Variants in PDS5A observed in about 807,000 individuals in gnomAD.
PDS5A encodes the protein sister chromatid cohesion protein PDS5 homolog A.
In PDS5A, 42 loss-of-function variants were observed where a neutral mutation model predicts 167.1. The ratio of observed to expected loss-of-function variants is 0.25; its 90% CI spans 0.20 to 0.33. The LOEUF (loss-of-function observed/expected upper bound fraction) is 0.33, where lower values mean the gene tolerates loss of function less well. Ranked by LOEUF, PDS5A falls within the 10% of genes least tolerant of loss-of-function variation. The pLI is 1.00. For synonymous variants in PDS5A, 553 were observed against 554.6 expected (o/e 1.00, Z 0.04); for missense variants, 1,033 against 1,605.9 (o/e 0.64, Z 6.10).
At chr4:39,919,414 G>C (rs767676592) in intron 7 of PDS5A, among the ~76,000 whole-genome samples, 2 of 152,208 alleles carry the variant, frequency 1.3e-5, no homozygotes, top group Non-Finnish European at 2.9e-5. Context: ...GGGAGGCTGA[G>C]GCAGGCAGAT....
At chr4:39,888,556 A>G (rs750032099) in intron 17 of PDS5A, among the ~76,000 whole-genome samples, 14 of 152,146 alleles carry the variant, frequency 9.2e-5, no homozygotes, top group Non-Finnish European at 1.6e-4. Flanking sequence ...GTGCACATCA[A>G]CGAAGAAAGA....
chr4:39,847,095 T>C (rs1717671995), intron 28 of PDS5A: 1 of 151,900 alleles, frequency 6.6e-6, no homozygotes, highest in Non-Finnish European at 1.5e-5. Flanking sequence ...CAGAAAAACC[T>C]AAGTTGTTAT....
At chr4:39,827,623 G>A (rs1715442745) in intron 32 of PDS5A, among the ~76,000 whole-genome samples, 1 of 152,160 alleles carries the variant, frequency 6.6e-6, no homozygotes, top group South Asian at 2.1e-4. Flanking sequence ...CCCACATGAT[G>A]GGAGGAAACC....
chr4:39,962,066 T>C (rs1729526693), intron 2 of PDS5A, among the ~76,000 whole-genome samples: 1 of 151,808 alleles, frequency 6.6e-6, no homozygotes, highest in Admixed American at 6.6e-5. Context: ...AGTTTTTGTT[T>C]TTTTTTTTTG....
chr4:39,843,965 C>T (rs560772673), intron 30 of PDS5A, among the ~76,000 whole-genome samples: 13 of 151,102 alleles, frequency 8.6e-5, no homozygotes, highest in Admixed American at 2.0e-4. Context: ...GGGAAGATGA[C>T]GAAACTCCAT....
At chr4:39,879,932 T>G in intron 17 of PDS5A, 99 bp from the exon 18 acceptor site, 1 of 640,714 alleles carries the variant, frequency 1.6e-6, no homozygotes, top group Non-Finnish European at 2.6e-6. Context: ...AAATATTAAA[T>G]TCAAAGGAGT....
intron 2 of PDS5A, among the ~76,000 whole-genome samples, chr4:39,948,567 C>A (rs1246818663): frequency 6.7e-6 from 1 of 149,066 alleles, no homozygotes; most frequent in Non-Finnish European, 1.5e-5. Context: ...TCATGATCCA[C>A]CTGCCTCGGC....
At chr4:39,858,833 C>G (rs1237421527) in intron 26 of PDS5A, among the ~76,000 whole-genome samples, 3 of 152,148 alleles carry the variant, frequency 2.0e-5, no homozygotes, top group Non-Finnish European at 4.4e-5. Context: ...CCATGTTGGT[C>G]AGGCTGGTCC....
intron 22 of PDS5A, 103 bp downstream of exon 22, chr4:39,869,291 C>A: frequency 3.9e-6 from 3 of 774,136 alleles, no homozygotes; most frequent in Non-Finnish European, 4.6e-6. Context: ...AGCAACACAG[C>A]AAGATCCCAT....
chr4:39,955,865 A>T (rs1728875975), intron 2 of PDS5A, among the ~76,000 whole-genome samples: 2 of 152,262 alleles, frequency 1.3e-5, no homozygotes, highest in Admixed American at 1.3e-4. Context: ...CTGTAATCAC[A>T]GCACTTTGGG....
intron 9 of PDS5A, among the ~76,000 whole-genome samples, 179 bp downstream of exon 9, chr4:39,913,431 TA>T (rs1222176517): frequency 6.6e-6 from 1 of 152,172 alleles, no homozygotes; most frequent in Non-Finnish European, 1.5e-5. Context: ...GATAAAATAC[TA>T]AGCTTTCTTC....
chr4:39,952,641 GCTTA>G (rs1409235983), intron 2 of PDS5A, among the ~76,000 whole-genome samples: 2 of 151,460 alleles, frequency 1.3e-5, no homozygotes, highest in East Asian at 1.9e-4. Context: ...AAGATGAGGT[GCTTA>G]CTTATTTTAT....
intron 2 of PDS5A, among the ~76,000 whole-genome samples, chr4:39,945,369 G>A (rs1487684785): frequency 6.7e-6 from 1 of 150,040 alleles, no homozygotes; most frequent in East Asian, 2.0e-4. Flanking sequence ...GCTGAGGCAG[G>A]AGAATGGCAT....
intron 2 of PDS5A, among the ~76,000 whole-genome samples, chr4:39,967,599 A>G (rs559849269): frequency 6.6e-6 from 1 of 152,014 alleles, no homozygotes; most frequent in South Asian, 2.1e-4. Flanking sequence ...GTGAGCCAAG[A>G]TCGCGCCACT....
intron 3 of PDS5A, 148 bp downstream of exon 3, chr4:39,927,813 T>A (rs1284220020): frequency 1.2e-5 from 7 of 606,278 alleles, no homozygotes; most frequent in Non-Finnish European, 2.0e-5. Flanking sequence ...ACTAACTGAA[T>A]GAATAATTTT....
intron 2 of PDS5A, among the ~76,000 whole-genome samples, chr4:39,970,302 A>G (rs927292513): frequency 7.9e-5 from 12 of 152,024 alleles, no homozygotes; most frequent in Admixed American, 7.2e-4. Context: ...TGACATAACA[A>G]AAATAGGTAA....
chr4:39,922,599 G>T lies in PDS5A; in HGVS notation c.654+23C>A. 3.3e-6 allele frequency: 5 copies of T among 1,514,362 alleles called. No homozygotes were observed. The South Asian group carries it at 4.0e-5, about 12-fold the overall frequency. The allele number at this position is 1,514,362 out of a possible 1,614,324, so 93.8% of individuals were successfully genotyped here. A position where few individuals can be genotyped will look rare whatever the true frequency, so the allele number is the denominator to read the frequency against. On this transcript the variant is annotated intron_variant, in intron 6 of 32. Coordinates refer to ENST00000303538, the MANE Select transcript of PDS5A (RefSeq NM_001100399.2). ...GGCGTGACTGTTAAACATTAACCTT[G>T]AATATCTTCATACTTTACAGACCTT...
chr4:39,879,213 G>A (rs752858307), intron 18 of PDS5A, among the ~76,000 whole-genome samples: 26 of 152,102 alleles, frequency 1.7e-4, no homozygotes, highest in Non-Finnish European at 3.4e-4. Context: ...ATCAAGGGCT[G>A]CAGCTGGTTG....
chr4:39,869,243 G>C, intron 22 of PDS5A, 151 bp downstream of exon 22: 1 of 622,036 alleles, frequency 1.6e-6, no homozygotes, highest in South Asian at 2.1e-5. Flanking sequence ...GGCTGAAGTG[G>C]GAGGATCAGC....
Sources: gnomAD v4.1 joint callset for allele counts (sites outside exome capture counted in the v4.1 genomes callset) on GRCh38, gnomAD v4.1.1 for gene constraint, MANE v1.5 for transcripts, NCBI Gene and HGNC (gene_info 2026-07-23, HGNC 2026-07-21) for gene names.